CCNJL: variants seen among roughly 807,000 people sequenced by gnomAD.
CCNJL encodes cyclin-J-like protein.
A neutral mutation model predicts 33.4 loss-of-function variants in CCNJL; 33 were observed. The ratio of observed to expected loss-of-function variants is 0.99; its 90% CI spans 0.75 to 1.32. The LOEUF (loss-of-function observed/expected upper bound fraction) is 1.32, where lower values mean the gene tolerates loss of function less well. CCNJL is among the 40% of genes most tolerant of loss of function. The pLI, the probability that CCNJL is intolerant of heterozygous loss-of-function variation, is 0.00. For missense variants in CCNJL, 512 were observed against 499.7 expected (o/e 1.02, Z -0.23); for synonymous variants, 227 against 220.9 (o/e 1.03, Z -0.24).
At chr5:160,272,451 G>A (rs1360871857) in intron 3 of CCNJL, among the ~76,000 whole-genome samples, 1 of 152,176 alleles carries the variant, frequency 6.6e-6, no homozygotes, top group Non-Finnish European at 1.5e-5. Flanking sequence ...CAATCAGTCT[G>A]GAAAGGATTC....
chr5:160,303,968 C>T (rs1763011792), intron 2 of CCNJL, among the ~76,000 whole-genome samples: 3 of 152,290 alleles, frequency 2.0e-5, no homozygotes, highest in Middle Eastern at 3.4e-3. Flanking sequence ...AACCAGGGTG[C>T]CCAGCCAAGT....
At chr5:160,327,542 T>C (rs924245494) in intron 1 of CCNJL, among the ~76,000 whole-genome samples, 2 of 152,212 alleles carry the variant, frequency 1.3e-5, no homozygotes, top group Non-Finnish European at 2.9e-5. Context: ...TGGAACCAGT[T>C]TGGCTCTCAG....
At chr5:160,302,185 C>A (rs1388678742) in intron 2 of CCNJL, among the ~76,000 whole-genome samples, 1 of 152,100 alleles carries the variant, frequency 6.6e-6, no homozygotes, top group Non-Finnish European at 1.5e-5. Flanking sequence ...CCCTAAATAT[C>A]CAACAATGAG....
At chr5:160,284,721 A>G (rs146812736) in intron 2 of CCNJL, among the ~76,000 whole-genome samples, 28 of 152,392 alleles carry the variant, frequency 1.8e-4, no homozygotes, top group African/African-American at 6.3e-4. Context: ...AGCTTTGCTC[A>G]TGGAAGGCTC....
intron 4 of CCNJL, 135 bp from the exon 5 acceptor site, chr5:160,255,843 G>GA: frequency 1.4e-6 from 1 of 736,034 alleles, no homozygotes; most frequent in Non-Finnish European, 2.2e-6. Flanking sequence ...TGGAAAATTA[G>GA]AAACTGTGAA....
intron 1 of CCNJL, among the ~76,000 whole-genome samples, chr5:160,321,334 CTG>C (rs1187627236): frequency 6.6e-6 from 1 of 152,128 alleles, no homozygotes; most frequent in Non-Finnish European, 1.5e-5. Context: ...AGGAAGGAGA[CTG>C]AGACTGGACA....
At chr5:160,338,997 C>T (rs1433763576) in intron 1 of CCNJL, among the ~76,000 whole-genome samples, 2 of 152,090 alleles carry the variant, frequency 1.3e-5, no homozygotes, top group Non-Finnish European at 2.9e-5. Flanking sequence ...CCCTGTTGGC[C>T]AGGCCGGTCT....
rs151178439 is a variant in CCNJL at position 160,295,820 on chromosome 5, T to G, written c.67-15082A>C. The stretch of plus-strand genomic sequence containing the variant: ...TCTGCTGACACCCCGATGTCAGACT[T>G]CTGGTCTCCACAACTGTGAGAGAAT... On this transcript the variant is annotated intron_variant, in intron 2 of 5. Transcript: ENST00000257536. 3.9e-3 allele frequency among the ~76,000 whole-genome samples: 593 copies of G among 152,310 alleles called. 2 individuals carry two copies. Among genetic ancestry groups the G allele is most frequent in the African/African-American group, 0.013 (553 of 41,578 alleles).
chr5:160,255,794 T>C, intron 4 of CCNJL, 86 bp from the exon 5 acceptor site: 2 of 1,222,138 alleles, frequency 1.6e-6, no homozygotes, highest in East Asian at 2.4e-5. Context: ...GACAAATGAA[T>C]CGCTTTCAAG....
At chr5:160,331,576 C>T (rs890154520) in intron 1 of CCNJL, among the ~76,000 whole-genome samples, 1 of 152,192 alleles carries the variant, frequency 6.6e-6, no homozygotes, top group Admixed American at 6.6e-5. Flanking sequence ...CTCTTCTCAC[C>T]TTTTCCAGAT....
In CCNJL at chr5:160,259,802, T is replaced by C; in HGVS notation, c.281-31A>G. ...GGGGAGCAGGGGAAGCAGGGGTTAC[T>C]GGAAGACATTTACCTGAACCCAGGA... On this transcript the variant is annotated intron_variant, in intron 3 of 5. Transcript: ENST00000257536. The C allele has an allele frequency of 1.3e-6, 2 of 1,564,976 alleles. 1 individual carries two copies. Among genetic ancestry groups the C allele is most frequent in the Non-Finnish European group, 1.7e-6 (2 of 1,151,170 alleles).
chr5:160,283,752 C>T (rs990376202), intron 2 of CCNJL, among the ~76,000 whole-genome samples: 12 of 151,940 alleles, frequency 7.9e-5, no homozygotes, highest in African/African-American at 2.4e-4. Flanking sequence ...ATTAACCATC[C>T]CCACCTCCCC....
intron 2 of CCNJL, among the ~76,000 whole-genome samples, chr5:160,292,639 G>A (rs1259882774): frequency 6.6e-6 from 1 of 151,794 alleles, no homozygotes; most frequent in African/African-American, 2.4e-5. Context: ...GTATATGTGT[G>A]TGTGTATATA....
At chr5:160,308,304 G>A (rs1053783433) in intron 2 of CCNJL, among the ~76,000 whole-genome samples, 5 of 152,212 alleles carry the variant, frequency 3.3e-5, no homozygotes, top group African/African-American at 1.2e-4. Context: ...GCTTACAGAA[G>A]AGGAAAGCGA....
rs1336681175 is a variant in CCNJL, at chr5:160,255,663, C to G, written c.629G>C (p.Cys210Ser). Reference protein sequence around the residue: ...KFQPSVVAAACVGASRICLQL... With the variant: ...KFQPSVVAAASVGASRICLQL... ...CAGGCAAATCCTGGAGGCCCCAACA[C>G]AGGCCGCAGCGACCACAGAAGGCTG... Residue 210 changes from cysteine to serine, a missense_variant, in exon 5 of 6, where the codon TGT becomes TCT. Coordinates refer to ENST00000257536, the MANE Select transcript of CCNJL (RefSeq NM_001308173.3). 1 of 1,614,104 alleles carries G rather than the reference C, an allele frequency of 6.2e-7. No individual in the cohort carries two copies. The highest frequency in any genetic ancestry group is 1.7e-5 in the Admixed American group (1 of 60,030).
At chr5:160,274,505 A>G (rs1328764533) in intron 3 of CCNJL, among the ~76,000 whole-genome samples, 1 of 152,116 alleles carries the variant, frequency 6.6e-6, no homozygotes, top group Non-Finnish European at 1.5e-5. Context: ...TTTCACAGGT[A>G]AGCTCAGCAC....
intron 1 of CCNJL, 125 bp downstream of exon 1, chr5:160,312,238 CT>C: frequency 2.3e-6 from 1 of 437,446 alleles, no homozygotes; most frequent in South Asian, 3.0e-5. Flanking sequence ...AAGTTGTCAA[CT>C]CCGCTAGCTC....
At chr5:160,291,566 G>A in intron 2 of CCNJL, among the ~76,000 whole-genome samples, 1 of 152,234 alleles carries the variant, frequency 6.6e-6, no homozygotes, top group Non-Finnish European at 1.5e-5. Context: ...AGGTGCCTGA[G>A]GGTGCCAGCT....
chr5:160,322,643 C>A (rs551447357), intron 1 of CCNJL, among the ~76,000 whole-genome samples: 1 of 152,370 alleles, frequency 6.6e-6, no homozygotes, highest in East Asian at 1.9e-4. Flanking sequence ...CGCGGTGGCT[C>A]ACGCCTGTAA....
Sources: allele counts gnomAD v4.1 joint callset (sites outside exome capture counted in the v4.1 genomes callset), GRCh38; gene constraint gnomAD v4.1.1; transcripts MANE v1.5; gene names NCBI Gene and HGNC (gene_info 2026-07-23, HGNC 2026-07-21).